The following PCDHA6 variants were observed in gnomAD, a reference collection of about 807,000 sequenced individuals.
The protein encoded by PCDHA6 is protocadherin alpha-6.
A neutral mutation model predicts 60.3 loss-of-function variants in PCDHA6; 55 were observed. The ratio of observed to expected loss-of-function variants is 0.91; its 90% CI spans 0.73 to 1.14. PCDHA6 has a LOEUF of 1.14. Ranked by LOEUF, PCDHA6 falls within the 50% of genes most tolerant of loss-of-function variation. PCDHA6 has a pLI of 0.00. For missense variants in PCDHA6, 1,327 were observed against 1,256.5 expected, an observed-to-expected ratio of 1.06 and a Z score of -0.85; for synonymous variants, 652 against 557.9, an observed-to-expected ratio of 1.17 and a Z score of -2.38.
chr5:140,925,320 C>T (rs1201662507), intron 1 of PCDHA6, among the ~76,000 whole-genome samples: 1 of 152,016 alleles, frequency 6.6e-6, no homozygotes, highest in Non-Finnish European at 1.5e-5. Context: ...ACATATTGCA[C>T]CTGTATTAAA....
intron 1 of PCDHA6, among the ~76,000 whole-genome samples, chr5:140,941,011 C>T (rs1554213684): frequency 6.6e-6 from 1 of 152,124 alleles, no homozygotes; most frequent in African/African-American, 2.4e-5. Context: ...TTTTCCTTTC[C>T]TATTTTCCTT....
chr5:140,852,390 G>A (rs1418398381), intron 1 of PCDHA6: 1 of 186,076 alleles, frequency 5.4e-6, no homozygotes, highest in African/African-American at 2.4e-5. Context: ...CAATTCTCCT[G>A]CCTCAGCCTC....
chr5:140,966,753 C>G, intron 1 of PCDHA6: 3 of 1,433,176 alleles, frequency 2.1e-6, no homozygotes, highest in South Asian at 1.5e-5. Flanking sequence ...CTGCCTCCGC[C>G]GCGGCCAGTG....
chr5:140,929,499 C>A, intron 1 of PCDHA6: 2 of 980,262 alleles, frequency 2.0e-6, no homozygotes, highest in Non-Finnish European at 2.8e-6. Context: ...GAAGATTGCC[C>A]TAGGCCTCAA....
chr5:140,853,369 T>G, intron 1 of PCDHA6: 1 of 982,984 alleles, frequency 1.0e-6, no homozygotes, highest in African/African-American at 1.8e-5. Flanking sequence ...GATCCAGAGA[T>G]GGTAAAATTC....
At chr5:140,977,936 A>G (rs1444613652) in intron 1 of PCDHA6, among the ~76,000 whole-genome samples, 2 of 152,202 alleles carry the variant, frequency 1.3e-5, no homozygotes, top group African/African-American at 4.8e-5. Context: ...CTATACCTCA[A>G]TATTCAGTGA....
At chr5:140,962,625 A>C (rs2095697493) in intron 1 of PCDHA6, among the ~76,000 whole-genome samples, 1 of 152,228 alleles carries the variant, frequency 6.6e-6, no homozygotes, top group Non-Finnish European at 1.5e-5. Context: ...GAGATGTGAA[A>C]AAATTTAGCC....
intron 1 of PCDHA6, chr5:140,834,302 A>T: frequency 7.7e-7 from 1 of 1,294,438 alleles, no homozygotes; most frequent in East Asian, 2.3e-5. Context: ...CCACACATCG[A>T]GATTGAAATG....
chr5:140,829,493 A>G lies in PCDHA6; in HGVS notation c.1402A>G (p.Asn468Asp). ...GTACACAGTGTTCGTGAAGGAGAACAACCCGCCGGGCTGCCACATCTTCAC... is the reference window on the plus strand; with the variant it reads ...GTACACAGTGTTCGTGAAGGAGAACGACCCGCCGGGCTGCCACATCTTCAC... ...PEYTVFVKEN[N>D]PPGCHIFTVS... The change falls in exon 1 of 4, where the codon AAC becomes GAC. Residue 468 changes from asparagine (N) to aspartate (D), a missense_variant. Transcript: ENST00000529310. The G allele has an allele frequency of 6.2e-7, 1 of 1,613,654 alleles. No individual in the cohort carries two copies. The highest frequency in any genetic ancestry group is 8.5e-7 in the Non-Finnish European group (1 of 1,179,962).
At chr5:140,870,161 C>T (rs745813666) in intron 1 of PCDHA6, 10 of 1,614,124 alleles carry the variant, frequency 6.2e-6, no homozygotes, top group Non-Finnish European at 8.5e-6. Context: ...GCCGTGACTT[C>T]CTTGTCCCTC....
Position 140,829,924 on chromosome 5 carries a change from G to T in PCDHA6, c.1833G>T (p.Leu611=). 1 of 1,614,014 alleles carries T rather than the reference G, an allele frequency of 6.2e-7. No individual in the cohort carries two copies. The highest frequency in any genetic ancestry group is 8.5e-7 in the Non-Finnish European group (1 of 1,179,916). ...SGYNAWLSYE[L]QPPASSARFP... ...ACAACGCGTGGCTTTCGTATGAGCT[G>T]CAGCCCCCGGCAAGCAGCGCTCGCT... Residue 611 remains leucine, a synonymous_variant, in exon 1 of 4, where the codon CTG becomes CTT. Coordinates refer to ENST00000529310, the MANE Select transcript of PCDHA6 (RefSeq NM_018909.4).
Position 140,857,721 on chromosome 5 carries a change from AC to A in PCDHA6, c.2394+27237del, listed in dbSNP as rs1554150568. ...CTGCAGGTGTTCGTGCTGGACGAGA[AC>A]GACAACGCTCCCGCGCTGCTGGCGT... On this transcript the variant is annotated intron_variant, in intron 1 of 3. Transcript: ENST00000529310. 4.4e-6 allele frequency: 7 copies of A among 1,597,360 alleles called. 1 individual carries two copies. In the Admixed American group the frequency reaches 1.0e-4, roughly 23 times the overall value.
At chr5:140,835,852 T>C (rs1554135337) in intron 1 of PCDHA6, 1 of 1,612,246 alleles carries the variant, frequency 6.2e-7, no homozygotes, top group Non-Finnish European at 8.5e-7. Context: ...AACGCGCTGG[T>C]GTCCTACTCG....
At chr5:140,911,592 A>G (rs1255304289) in intron 1 of PCDHA6, among the ~76,000 whole-genome samples, 1 of 152,212 alleles carries the variant, frequency 6.6e-6, no homozygotes, top group Non-Finnish European at 1.5e-5. Flanking sequence ...GGAGGAACCA[A>G]CCAACTTCAT....
At chr5:140,862,999 C>T (rs547997534) in intron 1 of PCDHA6, 28 of 550,142 alleles carry the variant, frequency 5.1e-5, no homozygotes, top group African/African-American at 4.9e-4. Context: ...GCACGGTGGA[C>T]TCCAGCTATG....
chr5:140,990,055 C>T (rs1563562429), intron 3 of PCDHA6, among the ~76,000 whole-genome samples: 2 of 151,866 alleles, frequency 1.3e-5, no homozygotes, highest in Non-Finnish European at 1.5e-5. Context: ...GATGGTAATA[C>T]TTAAAGGAAA....
chr5:140,877,325 C>G lies in PCDHA6; in HGVS notation c.2394+46840C>G. 1.2e-6 allele frequency: 2 copies of G among 1,613,974 alleles called. No individual in the cohort carries two copies. Among genetic ancestry groups the G allele is most frequent in the Non-Finnish European group, 1.7e-6 (2 of 1,179,864 alleles). The stretch of plus-strand genomic sequence containing the variant: ...GAGTTGCAACCGGCGGCGGTCGGCG[C>G]GCACATCCCGTTCCACGTGGGGCTG... On this transcript the variant is annotated intron_variant, in intron 1 of 3. Transcript: ENST00000529310.
intron 1 of PCDHA6, chr5:140,856,729 G>T: frequency 1.3e-6 from 2 of 1,595,560 alleles, no homozygotes; most frequent in East Asian, 2.2e-5. Flanking sequence ...CTGTTTCTCT[G>T]CTGATCCTGG....
chr5:141,006,974 G>A (rs782657772), intron 3 of PCDHA6, among the ~76,000 whole-genome samples: 6 of 152,174 alleles, frequency 3.9e-5, no homozygotes, highest in Admixed American at 3.9e-4. Context: ...GGAGCACAGA[G>A]AGATGTGGGC....
Sources: allele counts gnomAD v4.1 joint callset (sites outside exome capture counted in the v4.1 genomes callset), GRCh38; gene constraint gnomAD v4.1.1; transcripts MANE v1.5; gene names NCBI Gene and HGNC (gene_info 2026-07-23, HGNC 2026-07-21).